CNDP2: variants seen among roughly 807,000 people sequenced by gnomAD.
CNDP2 encodes the protein cytosolic non-specific dipeptidase.
A neutral mutation model predicts 55.0 loss-of-function variants in CNDP2; 38 were observed. That is an observed-to-expected ratio of 0.69 (90% CI 0.53 to 0.90). CNDP2 has a LOEUF of 0.90. Among genes scored for constraint, CNDP2 ranks in the 40% least tolerant of loss-of-function variants. CNDP2 has a pLI of 0.00. For missense variants in CNDP2, 607 were observed against 621.7 expected, an observed-to-expected ratio of 0.98 and a Z score of 0.25; for synonymous variants, 241 against 260.2, an observed-to-expected ratio of 0.93 and a Z score of 0.71.
intron 1 of CNDP2, chr18:74,497,967 A>G (rs1978498901): frequency 6.6e-6 from 1 of 152,128 alleles, no homozygotes; most frequent in African/African-American, 2.4e-5. Context: ...GGTGGGGGGA[A>G]GTGAAACAGG....
At chr18:74,506,760 C>T (rs1460553593) in intron 4 of CNDP2, among the ~76,000 whole-genome samples, 2 of 152,236 alleles carry the variant, frequency 1.3e-5, no homozygotes, top group South Asian at 2.1e-4. Flanking sequence ...GTGGGCCTGG[C>T]ACCTGCAGGC....
At position 74,520,146 on chromosome 18, in the gene CNDP2, G is replaced by C; in HGVS notation, c.*78G>C. On this transcript the variant is annotated 3_prime_UTR_variant, in exon 12 of 12. Coordinates refer to ENST00000324262, the MANE Select transcript of CNDP2 (RefSeq NM_018235.3). Reference sequence around the variant, plus strand: ...ACCCTTTTCCAACTTGCCCAGGGAAGTGGAGGTTCCCTCTTTCCTTTCCCT... The same window carrying C: ...ACCCTTTTCCAACTTGCCCAGGGAACTGGAGGTTCCCTCTTTCCTTTCCCT... 2 of 1,380,942 alleles carry C rather than the reference G, an allele frequency of 1.4e-6. No individual in the cohort carries two copies. Among genetic ancestry groups the C allele is most frequent in the Non-Finnish European group, 1.0e-6 (1 of 974,308 alleles). 85.5% of individuals were successfully genotyped at this position (1,380,942 alleles called of 1,614,324 possible).
chr18:74,500,488 A>G (rs1444906085), intron 2 of CNDP2, among the ~76,000 whole-genome samples: 1 of 152,242 alleles, frequency 6.6e-6, no homozygotes, highest in Non-Finnish European at 1.5e-5. Flanking sequence ...AAATAAGCTA[A>G]TTTGGACTGT....
rs781276053 is a variant in CNDP2 at position 74,516,260 on chromosome 18, G to A, written c.936G>A (p.Pro312=). The A allele has an allele frequency of 2.1e-5, 34 of 1,613,868 alleles. No individual in the cohort carries two copies. The highest frequency in any genetic ancestry group is 6.7e-5 in the East Asian group (3 of 44,882). ...TCCTCATGCACCGATGGCGGTACCC[G>A]TCTCTGTCCCTCCATGGCATCGAAG... is the stretch of plus-strand genomic sequence containing the variant. ...KDILMHRWRY[P]SLSLHGIEGA... The change falls in exon 9 of 12, where the codon CCG becomes CCA. Residue 312 remains proline, a synonymous_variant. Coordinates refer to ENST00000324262, the MANE Select transcript of CNDP2 (RefSeq NM_018235.3).
intron 3 of CNDP2, among the ~76,000 whole-genome samples, chr18:74,501,903 T>C (rs1490321805): frequency 6.6e-6 from 1 of 152,184 alleles, no homozygotes; most frequent in South Asian, 2.1e-4. Flanking sequence ...TTATTTTTTT[T>C]ATTTTTTTGA....
Position 74,520,096 on chromosome 18 carries a change from T to C in CNDP2, c.*28T>C, listed in dbSNP as rs1390292424. ...CAAGCCCTCTGTGTGCCATCTCCAATGAGAAGGAATCCTGCCCTCACCTCA... is the reference window on the plus strand; with the variant it reads ...CAAGCCCTCTGTGTGCCATCTCCAACGAGAAGGAATCCTGCCCTCACCTCA... On this transcript the variant is annotated 3_prime_UTR_variant, in exon 12 of 12. Transcript: ENST00000324262. 6.2e-7 allele frequency: 1 copy of C among 1,610,876 alleles called. No individual in the cohort carries two copies. The highest frequency in any genetic ancestry group is 1.3e-5 in the African/African-American group (1 of 74,858).
At chr18:74,501,935 C>T (rs1050699655) in intron 3 of CNDP2, among the ~76,000 whole-genome samples, 5 of 152,158 alleles carry the variant, frequency 3.3e-5, no homozygotes, top group South Asian at 2.1e-4. Context: ...CCTCTGTCGC[C>T]CAGGCTGGAG....
In CNDP2 at chr18:74,500,022, C is replaced by T. The variant is rs775655898; in HGVS notation, c.49C>T (p.Arg17Cys). 21 of 1,613,604 alleles carry T rather than the reference C, an allele frequency of 1.3e-5. No individual in the cohort carries two copies. The highest frequency in any genetic ancestry group is 2.2e-5 in the East Asian group (1 of 44,890). Reference sequence around the variant, plus strand: ...TAAGTACATAGATGAAAATCAGGATCGCTACATTAAGGTAAGGGAATATTC... The same window carrying T: ...TAAGTACATAGATGAAAATCAGGATTGCTACATTAAGGTAAGGGAATATTC... The part of the protein sequence containing the change: ...LFKYIDENQD[R>C]YIKKLAKWVA... The change falls in exon 2 of 12, where the codon CGC becomes TGC. Residue 17 changes from arginine to cysteine, a missense_variant. Transcript: ENST00000324262.
Position 74,518,550 on chromosome 18 carries a change from T to C in CNDP2, c.1120T>C (p.Phe374Leu). ...KFAELRSPNEFKVYMGHGGKP... is the reference protein window; with the variant it reads ...KFAELRSPNELKVYMGHGGKP... ...TGCTGAACTACGCAGCCCCAATGAGTTCAAGGTGTACATGGGCCACGGTGG... is the reference window on the plus strand; with the variant it reads ...TGCTGAACTACGCAGCCCCAATGAGCTCAAGGTGTACATGGGCCACGGTGG... The change falls in exon 10 of 12, where the codon TTC becomes CTC. Residue 374 changes from phenylalanine to leucine, a missense_variant. Coordinates refer to ENST00000324262, the MANE Select transcript of CNDP2 (RefSeq NM_018235.3). The C allele has an allele frequency of 6.2e-7, 1 of 1,614,128 alleles. No homozygotes were observed.
intron 6 of CNDP2, among the ~76,000 whole-genome samples, chr18:74,511,632 C>T (rs907044910): frequency 1.3e-5 from 2 of 150,926 alleles, no homozygotes; most frequent in African/African-American, 4.9e-5. Flanking sequence ...CGCTTGAACC[C>T]GGGAGGTGGA....
In CNDP2 at chr18:74,516,338, C is replaced by G; in HGVS notation, c.1014C>G (p.Gly338=). Residue 338 remains glycine, a synonymous_variant, in exon 9 of 12, where the codon GGC becomes GGG. Transcript: ENST00000324262. ...CCGTGATTCCCAGGAAGGTGGTTGG[C>G]AAGTTCTCCATCAGGCTCGTGCCGA... The part of the protein sequence containing the change: ...AKTVIPRKVV[G]KFSIRLVPNM... 6.2e-7 allele frequency: 1 copy of G among 1,614,030 alleles called. No individual in the cohort carries two copies. Among genetic ancestry groups the G allele is most frequent in the East Asian group, 2.2e-5 (1 of 44,860 alleles).
intron 1 of CNDP2, among the ~76,000 whole-genome samples, chr18:74,498,199 C>T (rs926101325): frequency 1.3e-5 from 2 of 152,088 alleles, no homozygotes; most frequent in African/African-American, 4.8e-5. Flanking sequence ...TTAGGCGATT[C>T]GTTGTTGTGT....
At chr18:74,518,845 C>A (rs1291913598) in intron 10 of CNDP2, 104 bp from the exon 11 acceptor site, 5 of 1,527,858 alleles carry the variant, frequency 3.3e-6, no homozygotes, top group Non-Finnish European at 4.5e-6. Flanking sequence ...GTCCCCAGGG[C>A]CTTGCACAGC....
chr18:74,510,315 T>G (rs1298143345), intron 5 of CNDP2, among the ~76,000 whole-genome samples: 1 of 152,216 alleles, frequency 6.6e-6, no homozygotes, highest in East Asian at 1.9e-4. Context: ...ACCTCATTTT[T>G]CACCTTTGGG....
At position 74,506,058 on chromosome 18, in the gene CNDP2, T is replaced by C. The variant is rs374570621; in HGVS notation, c.367+47T>C. The C allele has an allele frequency of 1.2e-3, 1,803 of 1,502,230 alleles. 1 individual carries two copies. Among genetic ancestry groups the C allele is most frequent in the Non-Finnish European group, 1.5e-3 (1,689 of 1,131,152 alleles). 93.1% of individuals were successfully genotyped at this position (1,502,230 alleles called of 1,614,324 possible). On this transcript the variant is annotated intron_variant, in intron 4 of 11. Transcript: ENST00000324262. The stretch of plus-strand genomic sequence containing the variant: ...GTGCCCAGAGGAAAGGCACTGACTT[T>C]TGGAAAGTCATTGCTAGTCCGTTTT...
intron 3 of CNDP2, among the ~76,000 whole-genome samples, chr18:74,504,084 C>T (rs1166157186): frequency 1.4e-5 from 2 of 145,526 alleles, no homozygotes; most frequent in Admixed American, 6.8e-5. Flanking sequence ...AGCCACAGTG[C>T]CGCTGGGACA....
chr18:74,512,582 G>A (rs558934195), intron 7 of CNDP2, 50 bp downstream of exon 7: 41 of 1,477,258 alleles, frequency 2.8e-5, no homozygotes, highest in East Asian at 9.1e-5. Context: ...GTGGATGGGC[G>A]TGACTTCCAG....
Position 74,510,871 on chromosome 18 carries a change from G to A in CNDP2, c.515G>A (p.Gly172Asp), listed in dbSNP as rs1247456739. 6.8e-6 allele frequency: 11 copies of A among 1,614,226 alleles called. No homozygotes were observed. The highest frequency in any genetic ancestry group is 8.5e-6 in the Non-Finnish European group (10 of 1,180,048). Reference protein sequence around the residue: ...LEGMEESGSEGLDELIFARKD... With the variant: ...LEGMEESGSEDLDELIFARKD... ...GGCATGGAGGAGTCAGGCTCTGAGG[G>A]CCTAGACGAGCTGATTTTTGCCCGG... is the stretch of plus-strand genomic sequence containing the variant. The change falls in exon 6 of 12, where the codon GGC becomes GAC. Residue 172 changes from glycine (G) to aspartate (D), a missense_variant. Gly to Asp is a moderately conservative substitution (Grantham distance 94, BLOSUM62 -1). Coordinates refer to ENST00000324262, the MANE Select transcript of CNDP2 (RefSeq NM_018235.3).
At chr18:74,519,127 G>A (rs759566777) in intron 11 of CNDP2, 31 bp downstream of exon 11, 25 of 1,582,098 alleles carry the variant, frequency 1.6e-5, no homozygotes, top group South Asian at 5.7e-5. Context: ...CCAGGTTGGC[G>A]TCTCCTGCAC....
Sources: allele counts gnomAD v4.1 joint callset (sites outside exome capture counted in the v4.1 genomes callset), GRCh38; gene constraint gnomAD v4.1.1; transcripts MANE v1.5; gene names NCBI Gene and HGNC (gene_info 2026-07-23, HGNC 2026-07-21).